Variants in TMC5 observed in about 807,000 individuals in gnomAD.
The protein encoded by TMC5 is transmembrane channel-like protein 5.
TMC5 carries 86 observed loss-of-function variants against 110.5 expected under a neutral mutation model. The ratio of observed to expected loss-of-function variants is 0.78; its 90% confidence interval spans 0.65 to 0.93. The LOEUF is 0.93. Ranked by LOEUF, TMC5 falls within the 40% of genes least tolerant of loss-of-function variation. The probability of loss-of-function intolerance (pLI) is 0.00; values close to 1 mark genes in which losing one functional copy is unlikely to be tolerated. For synonymous variants in TMC5, 455 were observed against 439.5 expected, an observed-to-expected ratio of 1.04 and a Z score of -0.44; for missense variants, 1,144 against 1,222.8, an observed-to-expected ratio of 0.94 and a Z score of 0.96.
chr16:19,478,709 T>C (rs886695039), intron 13 of TMC5, among the ~76,000 whole-genome samples: 3 of 152,170 alleles, frequency 2.0e-5, no homozygotes, highest in East Asian at 1.9e-4. Context: ...CATGCATCCA[T>C]CTATCTGTCA....
Position 19,441,071 on chromosome 16 carries a change from T to C in TMC5, c.788+245T>C, listed in dbSNP as rs185490947. Among the ~76,000 whole-genome samples, 4 of 152,294 alleles carry C rather than the reference T, an allele frequency of 2.6e-5. No individual in the cohort carries two copies. In the East Asian group the frequency reaches 5.8e-4, roughly 22 times the overall value. On this transcript the variant is annotated intron_variant, in intron 3 of 21. Coordinates refer to ENST00000542583, the MANE Select transcript of TMC5 (RefSeq NM_001261841.2). The stretch of plus-strand genomic sequence containing the variant: ...TCTCTTCCTTGGATCACCTTCCCAT[T>C]ATCCCACCTCTTCCTAATTCAATCC...
chr16:19,492,276 C>T (rs1475962), intron 19 of TMC5, 48 bp downstream of exon 19: 975,428 of 1,377,136 alleles, frequency 0.71, 352,514 homozygotes, highest in South Asian at 0.78. Context: ...CCTTTTTAAA[C>T]GCTGTATAAA....
At chr16:19,481,125 T>A (rs755789738) in intron 14 of TMC5, among the ~76,000 whole-genome samples, 1 of 152,120 alleles carries the variant, frequency 6.6e-6, no homozygotes, top group Admixed American at 6.5e-5. Flanking sequence ...TCTCTAGAAT[T>A]TTTTAAATCA....
chr16:19,457,709 CTTTTTTTTTTTTTTTTTTTTT>C (rs573979829), intron 5 of TMC5, among the ~76,000 whole-genome samples: 16 of 43,908 alleles, frequency 3.6e-4, no homozygotes, highest in Non-Finnish European at 7.4e-4. Context: ...AGACTACATT[CTTTTTTTTTTTTTTTTTTTTT>C]TTTTTTTTTT....
intron 15 of TMC5, among the ~76,000 whole-genome samples, chr16:19,481,730 T>C (rs1360829893): frequency 6.6e-6 from 1 of 152,208 alleles, no homozygotes; most frequent in Non-Finnish European, 1.5e-5. Context: ...GTGTTTCTTT[T>C]GTCCCTAAAA....
chr16:19,440,929 A>T, intron 3 of TMC5, 103 bp downstream of exon 3: 2 of 1,205,322 alleles, frequency 1.7e-6, no homozygotes, highest in Non-Finnish European at 1.2e-6. Context: ...GATATATATG[A>T]CGGTTTCTAT....
intron 2 of TMC5, among the ~76,000 whole-genome samples, chr16:19,438,387 T>A (rs1967394126): frequency 7.0e-5 from 2 of 28,590 alleles, no homozygotes; most frequent in Non-Finnish European, 5.9e-5. Context: ...AGTGACACCC[T>A]GTCAAAAAAA....
At chr16:19,448,479 C>A (rs1476294313) in intron 4 of TMC5, among the ~76,000 whole-genome samples, 1 of 151,606 alleles carries the variant, frequency 6.6e-6, no homozygotes, top group Non-Finnish European at 1.5e-5. Flanking sequence ...ATTAGCCAGG[C>A]ATGGTGGTGC....
chr16:19,460,430 C>A, intron 6 of TMC5, 96 bp downstream of exon 6: 1 of 809,650 alleles, frequency 1.2e-6, no homozygotes, highest in Non-Finnish European at 1.9e-6. Flanking sequence ...TAAATAAGCA[C>A]AATAGAAGAG....
chr16:19,484,148 A>C (rs1405803851), intron 15 of TMC5, among the ~76,000 whole-genome samples: 1 of 152,126 alleles, frequency 6.6e-6, no homozygotes, highest in Admixed American at 6.6e-5. Flanking sequence ...ATGGTAAATG[A>C]AAACGCTTTG....
rs140790300 is a variant in TMC5 at position 19,467,606 on chromosome 16, C to G, written c.1637+1373C>G. 1.8e-3 allele frequency among the ~76,000 whole-genome samples: 278 copies of G among 152,076 alleles called. 1 individual carries two copies. Among genetic ancestry groups the G allele is most frequent in the African/African-American group, 6.1e-3 (251 of 41,462 alleles). ...AAGGGATTCTCCTGCCTCAGCCTCC[C>G]TAGTAGCTGGGACTATAGGTATGTG... On this transcript the variant is annotated intron_variant, in intron 9 of 21. Coordinates refer to ENST00000542583, the MANE Select transcript of TMC5 (RefSeq NM_001261841.2).
At chr16:19,473,301 G>A (rs944818531) in intron 11 of TMC5, among the ~76,000 whole-genome samples, 5 of 135,086 alleles carry the variant, frequency 3.7e-5, no homozygotes, top group Admixed American at 1.6e-4. Context: ...AGCCGAGATC[G>A]TGCCACTGCA....
At chr16:19,492,358 G>T in intron 19 of TMC5, 130 bp downstream of exon 19, 1 of 485,810 alleles carries the variant, frequency 2.1e-6, no homozygotes, top group Non-Finnish European at 3.6e-6. Flanking sequence ...AACCATCAAT[G>T]TTTTTATATT....
At chr16:19,456,630 T>A (rs753020163) in intron 5 of TMC5, 101 of 1,530,236 alleles carry the variant, frequency 6.6e-5, no homozygotes, top group Non-Finnish European at 6.8e-5. Flanking sequence ...CGAGTCCCAA[T>A]CAATGCGGGT....
At chr16:19,442,417 C>T (rs1967511030) in intron 3 of TMC5, among the ~76,000 whole-genome samples, 1 of 149,320 alleles carries the variant, frequency 6.7e-6, no homozygotes, top group African/African-American at 2.5e-5. Context: ...CAACCTCCAT[C>T]TCTTAGGTTC....
rs201369147 is a variant in TMC5, at chr16:19,497,139, T to C, written c.2950T>C (p.Leu984=). ...TTTTCAGCAACAAGGCTTTTTGCATTTGGGGGAACATGATGGCAGTCTTGG... is the reference window on the plus strand; with the variant it reads ...TTTTCAGCAACAAGGCTTTTTGCATCTGGGGGAACATGATGGCAGTCTTGG... The part of the protein sequence containing the change: ...REVEQQGFLH[L]GEHDGSLDLR... Residue 984 remains leucine, a synonymous_variant, in exon 21 of 22, where the codon TTG becomes CTG. Coordinates refer to ENST00000542583, the MANE Select transcript of TMC5 (RefSeq NM_001261841.2). 2 of 1,614,072 alleles carry C rather than the reference T, an allele frequency of 1.2e-6. No homozygotes were observed. Among genetic ancestry groups the C allele is most frequent in the Non-Finnish European group, 8.5e-7 (1 of 1,180,002 alleles).
In TMC5 at chr16:19,440,089, T is replaced by C; in HGVS notation, c.51T>C (p.Pro17=). Residue 17 remains proline (P), a synonymous_variant, in exon 3 of 22, where the codon CCT becomes CCC. Coordinates refer to ENST00000542583, the MANE Select transcript of TMC5 (RefSeq NM_001261841.2). ...NNWSEEDPDY[P]DYSGSQNRTQ... is the part of the protein sequence containing the mutation. ...GGTCTGAGGAAGACCCAGATTACCC[T>C]GACTATTCAGGGTCTCAGAACCGTA... 7 of 1,614,160 alleles carry C rather than the reference T, an allele frequency of 4.3e-6. No individual in the cohort carries two copies. The highest frequency in any genetic ancestry group is 5.9e-6 in the Non-Finnish European group (7 of 1,180,020).
At chr16:19,494,499 T>C in intron 20 of TMC5, 133 bp downstream of exon 20, 1 of 612,008 alleles carries the variant, frequency 1.6e-6, no homozygotes, top group Non-Finnish European at 2.9e-6. Flanking sequence ...AGTATTTCTG[T>C]GGTTTTTACT....
At chr16:19,443,680 G>A (rs1967540939) in intron 3 of TMC5, among the ~76,000 whole-genome samples, 1 of 152,138 alleles carries the variant, frequency 6.6e-6, no homozygotes, top group Non-Finnish European at 1.5e-5. Flanking sequence ...ATGGATGGAT[G>A]GATGAATACA....
Sources: gnomAD v4.1 joint callset for allele counts (sites outside exome capture counted in the v4.1 genomes callset) on GRCh38, gnomAD v4.1.1 for gene constraint, MANE v1.5 for transcripts, NCBI Gene and HGNC (gene_info 2026-07-23, HGNC 2026-07-21) for gene names.